Variants in ELOVL6 observed in about 807,000 individuals in gnomAD.
The protein encoded by ELOVL6 is ELOVL fatty acid elongase 6, also known as very long chain fatty acid elongase 6.
Under a neutral mutation model 31.7 loss-of-function variants are expected in ELOVL6, and 8 were observed. The observed-to-expected ratio is 0.25, with a 90% CI of 0.15 to 0.45. The LOEUF is 0.45. ELOVL6 is among the 20% of genes least tolerant of loss of function. The pLI, the probability that ELOVL6 is intolerant of heterozygous loss-of-function variation, is 1.00. For missense variants in ELOVL6, 126 were observed against 326.4 expected (o/e 0.39, Z 4.73); for synonymous variants, 101 against 117.7 (o/e 0.86, Z 0.92).
At chr4:110,073,636 C>T (rs2040710) in intron 2 of ELOVL6, among the ~76,000 whole-genome samples, 86,847 of 151,994 alleles carry the variant, frequency 0.57, 26,532 homozygotes, top group African/African-American at 0.8. Flanking sequence ...CCAAGGAGAA[C>T]GTATTTTTCT....
At position 110,174,164 on chromosome 4, in the gene ELOVL6, CT is replaced by C. The variant is rs1332367998; in HGVS notation, c.89+24082del. Among the ~76,000 whole-genome samples the C allele has an allele frequency of 5.2e-3, 693 of 133,550 alleles. 2 individuals carry two copies. Among genetic ancestry groups the C allele is most frequent in the African/African-American group, 0.011 (397 of 36,740 alleles). The allele number at this position is 133,550 out of a possible 152,430, so 87.6% of individuals were successfully genotyped here. On this transcript the variant is annotated intron_variant, in intron 1 of 3. Transcript: ENST00000302274. ...ATATCAGGATGTAAAGAAAGACAGT[CT>C]TTTTTTTTTTTTTTTTGAGACAGAG...
chr4:110,133,268 C>A (rs939835155), intron 1 of ELOVL6, among the ~76,000 whole-genome samples: 3 of 152,164 alleles, frequency 2.0e-5, no homozygotes, highest in Non-Finnish European at 4.4e-5. Context: ...CCCACAGACA[C>A]AATCAGGGCC....
At chr4:110,193,788 G>C (rs1462592971) in intron 1 of ELOVL6, among the ~76,000 whole-genome samples, 1 of 152,116 alleles carries the variant, frequency 6.6e-6, no homozygotes, top group South Asian at 2.1e-4. Context: ...ACACCACCAA[G>C]GGAGTGAGTG....
chr4:110,084,187 A>G (rs1334991525), intron 2 of ELOVL6, among the ~76,000 whole-genome samples: 1 of 52,726 alleles, frequency 1.9e-5, no homozygotes, highest in Non-Finnish European at 3.2e-5. Flanking sequence ...TATATATAAC[A>G]TATAACTTAT....
intron 1 of ELOVL6, among the ~76,000 whole-genome samples, chr4:110,185,966 C>T (rs188309444): frequency 5.3e-5 from 8 of 152,052 alleles, no homozygotes; most frequent in South Asian, 2.1e-4. Context: ...CCGAGGTGGG[C>T]GGATCACAAG....
chr4:110,131,327 TG>T (rs778451372), intron 1 of ELOVL6, among the ~76,000 whole-genome samples: 2 of 152,146 alleles, frequency 1.3e-5, no homozygotes, highest in Non-Finnish European at 2.9e-5. Context: ...CTGTTTATAT[TG>T]ATCAAAATTG....
At chr4:110,144,311 A>T (rs1183455211) in intron 1 of ELOVL6, among the ~76,000 whole-genome samples, 1 of 152,174 alleles carries the variant, frequency 6.6e-6, no homozygotes, top group Admixed American at 6.5e-5. Flanking sequence ...AGAAATGGAG[A>T]GCCATAGGGA....
chr4:110,084,067 A>ATATGT (rs1491198740), intron 2 of ELOVL6, among the ~76,000 whole-genome samples: 3 of 59,130 alleles, frequency 5.1e-5, no homozygotes, highest in Non-Finnish European at 1.2e-4. Flanking sequence ...GATATATAAC[A>ATATGT]TATATATGCT....
Position 110,134,646 on chromosome 4 carries a change from G to T in ELOVL6, c.90-29018C>A, listed in dbSNP as rs115294636. Among the ~76,000 whole-genome samples the T allele has an allele frequency of 5.2e-3, 792 of 152,246 alleles. 5 individuals carry two copies. The highest frequency in any genetic ancestry group is 9.7e-3 in the Non-Finnish European group (661 of 68,014). On this transcript the variant is annotated intron_variant, in intron 1 of 3. Transcript: ENST00000302274. Reference sequence around the variant, plus strand: ...GTGCAGAGAATGAAGACATTTGGCAGATGTGTTTACAGTGTTTAAAAGGGA... The same window carrying T: ...GTGCAGAGAATGAAGACATTTGGCATATGTGTTTACAGTGTTTAAAAGGGA...
chr4:110,147,578 A>T (rs1758154377), intron 1 of ELOVL6, among the ~76,000 whole-genome samples: 2 of 152,152 alleles, frequency 1.3e-5, no homozygotes, highest in African/African-American at 4.8e-5. Flanking sequence ...AAACAACTTA[A>T]CCAAAAACCC....
At chr4:110,132,762 C>T (rs558169935) in intron 1 of ELOVL6, among the ~76,000 whole-genome samples, 2 of 152,062 alleles carry the variant, frequency 1.3e-5, no homozygotes, top group Non-Finnish European at 1.5e-5. Flanking sequence ...ATCACTTGAA[C>T]CCAGGATGTG....
intron 1 of ELOVL6, among the ~76,000 whole-genome samples, chr4:110,181,172 C>T (rs1349577423): frequency 1.3e-5 from 2 of 151,792 alleles, no homozygotes; most frequent in Admixed American, 1.3e-4. Flanking sequence ...TAAGGCCGGG[C>T]GCAGTGGCTC....
intron 1 of ELOVL6, among the ~76,000 whole-genome samples, chr4:110,115,289 A>G (rs897158624): frequency 6.6e-6 from 1 of 152,204 alleles, no homozygotes; most frequent in Non-Finnish European, 1.5e-5. Flanking sequence ...TGTCAGCAAA[A>G]TCAAATGTAC....
At chr4:110,171,995 C>T (rs1279314504) in intron 1 of ELOVL6, among the ~76,000 whole-genome samples, 1 of 152,112 alleles carries the variant, frequency 6.6e-6, no homozygotes, top group Non-Finnish European at 1.5e-5. Flanking sequence ...AGACTTATAA[C>T]ATCCTTTATA....
intron 1 of ELOVL6, among the ~76,000 whole-genome samples, chr4:110,141,854 A>AGT (rs1553960290): frequency 3.7e-5 from 2 of 53,610 alleles, no homozygotes; most frequent in South Asian, 4.9e-4. Context: ...CAATACAATT[A>AGT]GTATATATAT....
At chr4:110,184,720 T>C (rs1759390267) in intron 1 of ELOVL6, among the ~76,000 whole-genome samples, 1 of 152,076 alleles carries the variant, frequency 6.6e-6, no homozygotes. Context: ...GGTTGTAAAT[T>C]ACAGGTAGGA....
At chr4:110,069,161 TAATAATAATAGG>T (rs1245034526) in intron 2 of ELOVL6, among the ~76,000 whole-genome samples, 2 of 141,464 alleles carry the variant, frequency 1.4e-5, no homozygotes, top group Admixed American at 7.8e-5. Context: ...ATAATAATAA[TAATAATAATAGG>T]GACACTTGGT....
At chr4:110,079,766 C>T (rs1755772834) in intron 2 of ELOVL6, among the ~76,000 whole-genome samples, 1 of 142,748 alleles carries the variant, frequency 7.0e-6, no homozygotes, top group East Asian at 2.0e-4. Flanking sequence ...AACAGAGACA[C>T]AAAAAACCCT....
intron 2 of ELOVL6, among the ~76,000 whole-genome samples, chr4:110,063,320 C>G (rs1462278466): frequency 6.6e-6 from 1 of 152,172 alleles, no homozygotes; most frequent in Non-Finnish European, 1.5e-5. Flanking sequence ...CGGAGGCCTG[C>G]TCCTGGTGTG....
Sources: gnomAD v4.1 joint callset for allele counts (sites outside exome capture counted in the v4.1 genomes callset) on GRCh38, gnomAD v4.1.1 for gene constraint, MANE v1.5 for transcripts, NCBI Gene and HGNC (gene_info 2026-07-23, HGNC 2026-07-21) for gene names.